The following USP24 variants were observed in gnomAD, a reference collection of about 807,000 sequenced individuals.
USP24 encodes the protein ubiquitin carboxyl-terminal hydrolase 24.
In USP24, 97 loss-of-function variants were observed where a neutral mutation model predicts 361.6. The observed-to-expected ratio is 0.27, with a 90% confidence interval of 0.23 to 0.32. The LOEUF is 0.32. Among genes scored for constraint, USP24 ranks in the 10% least tolerant of loss-of-function variants. The pLI, the probability that USP24 is intolerant of heterozygous loss-of-function variation, is 1.00. For synonymous variants in USP24, 1,098 were observed against 1,124.6 expected, an observed-to-expected ratio of 0.98 and a Z score of 0.47; for missense variants, 2,353 against 3,165.6, an observed-to-expected ratio of 0.74 and a Z score of 6.16.
Position 55,147,686 on chromosome 1 carries a change from C to A in USP24, c.2081G>T (p.Gly694Val). Residue 694 changes from glycine (G) to valine (V), a missense_variant, in exon 18 of 68, where the codon GGC becomes GTC. By Grantham distance (109) the Gly-to-Val change is moderately radical (BLOSUM62 -3). Around this residue, in one of 8 missense-constraint regions of USP24, gnomAD observed 949 missense variants for 1,280.5 expected, o/e 0.74. Coordinates refer to ENST00000294383, the MANE Select transcript of USP24 (RefSeq NM_015306.3). ...GTACCGGCCATCCACTAGTGTCGAG[C>A]CACTTAAGCCTCCAGGCCCGGCCAC... Reference protein sequence around the residue: ...AAVAGPGGLSGSTLVDGRYTY... With the variant: ...AAVAGPGGLSVSTLVDGRYTY... The A allele has an allele frequency of 6.2e-7, 1 of 1,610,764 alleles. No individual in the cohort carries two copies. The highest frequency in any genetic ancestry group is 1.3e-5 in the African/African-American group (1 of 74,968).
At chr1:55,161,287 G>A (rs1179706927) in intron 8 of USP24, among the ~76,000 whole-genome samples, 1 of 151,266 alleles carries the variant, frequency 6.6e-6, no homozygotes, top group Non-Finnish European at 1.5e-5. Flanking sequence ...CAGGAGAATC[G>A]CTTGAACCTG....
intron 38 of USP24, among the ~76,000 whole-genome samples, chr1:55,111,175 C>A (rs185968173): frequency 6.6e-6 from 1 of 151,536 alleles, no homozygotes; most frequent in Admixed American, 6.6e-5. Context: ...CATCATCATA[C>A]TACTGAGGGA....
At chr1:55,202,519 C>T (rs952622082) in intron 1 of USP24, among the ~76,000 whole-genome samples, 2 of 152,102 alleles carry the variant, frequency 1.3e-5, no homozygotes, top group African/African-American at 4.8e-5. Context: ...ATTCTCCTGC[C>T]TCAGCCTCCT....
In USP24 at chr1:55,096,959, C is replaced by T; in HGVS notation, c.5929G>A (p.Asp1977Asn). 12 of 1,613,470 alleles carry T rather than the reference C, an allele frequency of 7.4e-6. No homozygotes were observed. The highest frequency in any genetic ancestry group is 1.0e-5 in the Non-Finnish European group (12 of 1,179,656). Residue 1977 changes from aspartate to asparagine, a missense_variant, in exon 49 of 68, where the codon GAC (aspartate) becomes AAC (asparagine). This residue lies in a region of USP24 where 598 missense variants were observed against 761.9 expected (regional missense o/e 0.78). Transcript: ENST00000294383. ...GCCTCAGGAAACTCTTACCGCCTGT[C>T]CTTAATGAAGGAATAGTAGTGGCCT... ...HAGHYYSFIK[D>N]RRGCGKGKWY... is the part of the protein sequence containing the mutation.
At chr1:55,150,182 G>C (rs1354470561) in intron 16 of USP24, among the ~76,000 whole-genome samples, 1 of 152,128 alleles carries the variant, frequency 6.6e-6, no homozygotes, top group Non-Finnish European at 1.5e-5. Context: ...AAATTATACA[G>C]CCAATCATAA....
intron 1 of USP24, among the ~76,000 whole-genome samples, chr1:55,205,790 C>T (rs954781636): frequency 2.0e-5 from 3 of 151,952 alleles, no homozygotes; most frequent in African/African-American, 4.8e-5. Flanking sequence ...TTCTAAAACA[C>T]GGAAAAATAG....
At chr1:55,102,751 GCCT>G (rs1443391252) in intron 42 of USP24, among the ~76,000 whole-genome samples, 1 of 151,938 alleles carries the variant, frequency 6.6e-6, no homozygotes, top group African/African-American at 2.4e-5. Context: ...CACAGATATT[GCCT>G]CCATTATGCT....
Position 55,214,804 on chromosome 1 carries a change from C to T in USP24, c.310G>A (p.Val104Met), listed in dbSNP as rs1417118523. The change falls in exon 1 of 68, where the codon GTG becomes ATG. Residue 104 changes from valine (V) to methionine (M), a missense_variant. Val to Met is a conservative substitution (Grantham distance 21). Coordinates refer to ENST00000294383, the MANE Select transcript of USP24 (RefSeq NM_015306.3). ...CCCCTCCTCACCTCCGCGTCCACCA[C>T]CTCGTGGTAGGCGGGCGGGGGGTCG... ...GFDPPPAYHE[V>M]VDAEKNDENG... The T allele has an allele frequency of 4.1e-6, 5 of 1,224,346 alleles. No individual in the cohort carries two copies. Among genetic ancestry groups the T allele is most frequent in the Non-Finnish European group, 5.1e-6 (5 of 973,574 alleles). 75.8% of individuals were successfully genotyped at this position (1,224,346 alleles called of 1,614,324 possible).
Position 55,143,914 on chromosome 1 carries a change from C to T in USP24, c.2439+213G>A, listed in dbSNP as rs190985082. On this transcript the variant is annotated intron_variant, in intron 21 of 67. Transcript: ENST00000294383. The stretch of plus-strand genomic sequence containing the variant: ...GAGATGTGAGAGAGAGCAGTGTCCT[C>T]GCAGGTAGCTGGTGAGGCATGGTAG... Among the ~76,000 whole-genome samples the T allele has an allele frequency of 5.4e-3, 825 of 152,206 alleles. 5 individuals carry two copies. Among genetic ancestry groups the T allele is most frequent in the Non-Finnish European group, 8.0e-3 (542 of 67,996 alleles).
At chr1:55,155,973 A>G (rs1052338014) in intron 12 of USP24, among the ~76,000 whole-genome samples, 5 of 152,100 alleles carry the variant, frequency 3.3e-5, no homozygotes, top group Admixed American at 3.3e-4. Flanking sequence ...TACCTTACTT[A>G]GGAAGACTTT....
At chr1:55,109,094 T>C (rs1345337682) in intron 39 of USP24, among the ~76,000 whole-genome samples, 1 of 152,240 alleles carries the variant, frequency 6.6e-6, no homozygotes, top group Non-Finnish European at 1.5e-5. Flanking sequence ...GTTCAAGCGA[T>C]TCTCCTGCTT....
chr1:55,109,622 C>A (rs1341255751), intron 39 of USP24, among the ~76,000 whole-genome samples: 1 of 152,002 alleles, frequency 6.6e-6, no homozygotes, highest in Non-Finnish European at 1.5e-5. Context: ...TATTAATTTC[C>A]TGTAAGCTGA....
chr1:55,194,551 G>A (rs111823196), intron 1 of USP24, among the ~76,000 whole-genome samples: 12 of 152,074 alleles, frequency 7.9e-5, no homozygotes, highest in African/African-American at 2.9e-4. Flanking sequence ...GCAGTGAGCC[G>A]TGTTCATGCC....
intron 39 of USP24, 66 bp from the exon 40 acceptor site, chr1:55,107,496 G>A: frequency 1.4e-6 from 2 of 1,444,440 alleles, no homozygotes; most frequent in East Asian, 2.5e-5. Flanking sequence ...TCAAAGTCCT[G>A]AATTAAAGTA....
At chr1:55,089,383 GT>G (rs965038084) in intron 55 of USP24, among the ~76,000 whole-genome samples, 9 of 152,152 alleles carry the variant, frequency 5.9e-5, no homozygotes, top group African/African-American at 2.2e-4. Flanking sequence ...TAAGACCCAC[GT>G]GCCTATGAGT....
At chr1:55,165,990 T>C in intron 6 of USP24, 40 bp from the exon 7 acceptor site, 1 of 1,564,202 alleles carries the variant, frequency 6.4e-7, no homozygotes, top group Non-Finnish European at 8.7e-7. Context: ...ATTTTTCTCT[T>C]TAATTTTTTT....
chr1:55,117,038 C>A (rs370341629), intron 38 of USP24, among the ~76,000 whole-genome samples: 1 of 152,074 alleles, frequency 6.6e-6, no homozygotes. Context: ...GTCCATGGTA[C>A]GAAAATCTAT....
chr1:55,214,369 C>G (rs915293973), intron 1 of USP24, among the ~76,000 whole-genome samples: 1 of 151,958 alleles, frequency 6.6e-6, no homozygotes, highest in Non-Finnish European at 1.5e-5. Flanking sequence ...ACAAAATCTC[C>G]GACCTAGCCT....
At position 55,148,577 on chromosome 1, in the gene USP24, T is replaced by A. The variant is rs763051533; in HGVS notation, c.1861-7A>T. The A allele has an allele frequency of 6.5e-7, 1 of 1,543,446 alleles. No individual in the cohort carries two copies. The highest frequency in any genetic ancestry group is 8.8e-7 in the Non-Finnish European group (1 of 1,141,682). On this transcript the variant is annotated splice_polypyrimidine_tract_variant and splice_region_variant and intron_variant, in intron 16 of 67. Transcript: ENST00000294383. ...GATTATTAAGCTGAGATGACTAGAG[T>A]TAAAAAGAAGTTACATTAATTAAAT...
Sources: allele counts gnomAD v4.1 joint callset (sites outside exome capture counted in the v4.1 genomes callset), GRCh38; gene constraint gnomAD v4.1.1; regional missense constraint gnomAD v4.1.1; transcripts MANE v1.5; gene names NCBI Gene and HGNC (gene_info 2026-07-23, HGNC 2026-07-21).